The following NIPBL variants were observed in gnomAD, a reference collection of about 807,000 sequenced individuals.
NIPBL encodes NIPBL cohesin loading factor, also known as nipped-B-like protein.
NIPBL carries 19 observed loss-of-function variants against 321.8 expected under a neutral mutation model. The ratio of observed to expected loss-of-function variants is 0.06; its 90% confidence interval spans 0.04 to 0.09. The LOEUF (loss-of-function observed/expected upper bound fraction) is 0.09. Ranked by LOEUF, NIPBL falls within the 10% of genes least tolerant of loss-of-function variation. The probability of loss-of-function intolerance (pLI) is 1.00; values close to 1 mark genes in which losing one functional copy is unlikely to be tolerated. For synonymous variants in NIPBL, 1,106 were observed against 1,114.1 expected (o/e 0.99, Z 0.14); for missense variants, 2,210 against 3,327.0 (o/e 0.66, Z 8.26).
At chr5:36,896,616 T>C (rs1220136316) in intron 1 of NIPBL, among the ~76,000 whole-genome samples, 1 of 152,194 alleles carries the variant, frequency 6.6e-6, no homozygotes, top group African/African-American at 2.4e-5. Flanking sequence ...TTTGTTTGTT[T>C]TGAGACAAAC....
chr5:36,883,842 A>G (rs1745683452), intron 1 of NIPBL, among the ~76,000 whole-genome samples: 1 of 151,796 alleles, frequency 6.6e-6, no homozygotes. Flanking sequence ...GTAATGACCA[A>G]GTTGAAGTTT....
At chr5:37,042,913 A>G (rs1752584902) in intron 34 of NIPBL, among the ~76,000 whole-genome samples, 1 of 151,646 alleles carries the variant, frequency 6.6e-6, no homozygotes, top group African/African-American at 2.4e-5. Context: ...ACACACACAC[A>G]CACACACACA....
At chr5:36,893,004 ATTTCTT>A (rs1000796360) in intron 1 of NIPBL, among the ~76,000 whole-genome samples, 15 of 152,190 alleles carry the variant, frequency 9.9e-5, no homozygotes, top group African/African-American at 2.7e-4. Context: ...AGATAATACT[ATTTCTT>A]TTTAATGCTT....
At chr5:36,969,330 T>C (rs1053971141) in intron 6 of NIPBL, among the ~76,000 whole-genome samples, 1 of 152,096 alleles carries the variant, frequency 6.6e-6, no homozygotes, top group South Asian at 2.1e-4. Flanking sequence ...TGTTCAAGAA[T>C]AGACAAAATA....
At chr5:36,885,968 T>C in intron 1 of NIPBL, 1 of 729,194 alleles carries the variant, frequency 1.4e-6, no homozygotes, top group South Asian at 1.4e-5. Flanking sequence ...ACAGGCCCAA[T>C]ACGACGAGCT....
intron 1 of NIPBL, among the ~76,000 whole-genome samples, chr5:36,936,803 T>G (rs932626628): frequency 1.3e-5 from 2 of 151,718 alleles, no homozygotes; most frequent in African/African-American, 4.8e-5. Flanking sequence ...AAAATGGTGA[T>G]AACGAGACTT....
intron 10 of NIPBL, among the ~76,000 whole-genome samples, chr5:36,994,235 T>C (rs892408748): frequency 2.0e-5 from 3 of 152,166 alleles, no homozygotes; most frequent in Non-Finnish European, 2.9e-5. Flanking sequence ...GTTAGAATTC[T>C]TAGCAATGAA....
At chr5:36,895,561 G>C (rs998733210) in intron 1 of NIPBL, among the ~76,000 whole-genome samples, 1 of 152,154 alleles carries the variant, frequency 6.6e-6, no homozygotes, top group African/African-American at 2.4e-5. Flanking sequence ...AGAGGTGCAT[G>C]ATTTTACATT....
In NIPBL at chr5:37,028,068, T is replaced by A. The variant is rs1336416155; in HGVS notation, c.5862+656T>A. ...CAATATATTGCATTAAAAATATAAT[T>A]ACATGATTTAGTATGTTATGCATAG... is the stretch of plus-strand genomic sequence containing the variant. On this transcript the variant is annotated intron_variant, in intron 32 of 46. Coordinates refer to ENST00000282516, the MANE Select transcript of NIPBL (RefSeq NM_133433.4). Among the ~76,000 whole-genome samples the A allele has an allele frequency of 2.6e-5, 4 of 152,142 alleles. No homozygotes were observed. The East Asian group carries it at 7.7e-4, about 29-fold the overall frequency.
chr5:36,911,950 C>T (rs865798573), intron 1 of NIPBL, among the ~76,000 whole-genome samples: 4 of 152,090 alleles, frequency 2.6e-5, no homozygotes, highest in African/African-American at 9.7e-5. Flanking sequence ...GACCTTTTTC[C>T]GTACTTGAAG....
Position 37,008,637 on chromosome 5 carries a change from T to C in NIPBL, c.4335T>C (p.Tyr1445=), listed in dbSNP as rs767317539. The change falls in exon 20 of 47, where the codon TAT becomes TAC. Residue 1445 remains tyrosine (Y), a synonymous_variant. Transcript: ENST00000282516. ...TTACTAAACAGGTATTCTCAAGATA[T>C]GAAAAACATAGGCAGTTAATTTTGG... The part of the protein sequence containing the change: ...IKLVTAVFSR[Y]EKHRQLILEE... 11 of 1,541,704 alleles carry C rather than the reference T, an allele frequency of 7.1e-6. No individual in the cohort carries two copies. In the Admixed American group the frequency reaches 1.3e-4, roughly 19 times the overall value.
intron 1 of NIPBL, among the ~76,000 whole-genome samples, chr5:36,919,414 G>T (rs1215693269): frequency 6.6e-6 from 1 of 151,500 alleles, no homozygotes; most frequent in African/African-American, 2.4e-5. Flanking sequence ...GCCCAGGCTG[G>T]CCTTGAACAC....
chr5:36,909,174 T>C (rs1252921804), intron 1 of NIPBL, among the ~76,000 whole-genome samples: 2 of 152,182 alleles, frequency 1.3e-5, no homozygotes, highest in Non-Finnish European at 2.9e-5. Context: ...CCCTCAGGAA[T>C]TGAGTACTAG....
rs573173229 is a variant in NIPBL, at chr5:36,885,580, G to C, written c.-80+8402G>C. On this transcript the variant is annotated intron_variant, in intron 1 of 46. Transcript: ENST00000282516. The stretch of plus-strand genomic sequence containing the variant: ...AGAAGGGACCCCAGGTCAGAGACTG[G>C]GGCCATTACTTCAAGACCATCGAGG... 1.1e-4 allele frequency: 59 copies of C among 532,510 alleles called. No individual in the cohort carries two copies. The East Asian group carries it at 2.7e-3, about 25-fold the overall frequency. The allele number at this position is 532,510 out of a possible 1,614,324, so 33.0% of individuals were successfully genotyped here. A position where few individuals can be genotyped will look rare whatever the true frequency, so the allele number is the denominator to read the frequency against.
intron 23 of NIPBL, among the ~76,000 whole-genome samples, chr5:37,016,817 A>G (rs1186009709): frequency 6.6e-6 from 1 of 152,086 alleles, no homozygotes; most frequent in Admixed American, 6.6e-5. Flanking sequence ...AGGAAGTTTA[A>G]TCTGTAATTT....
intron 15 of NIPBL, 144 bp downstream of exon 15, chr5:37,002,909 T>C: frequency 1.4e-5 from 8 of 592,026 alleles, no homozygotes; most frequent in Non-Finnish European, 2.3e-5. Context: ...TCTAAATGAG[T>C]TTTTTTGTTT....
At chr5:36,918,198 G>A (rs541447105) in intron 1 of NIPBL, among the ~76,000 whole-genome samples, 17 of 151,856 alleles carry the variant, frequency 1.1e-4, no homozygotes, top group African/African-American at 3.6e-4. Context: ...CTTTTATTTC[G>A]TTGAGCAGTG....
chr5:36,939,143 C>T (rs1243146118), intron 1 of NIPBL, among the ~76,000 whole-genome samples: 1 of 152,180 alleles, frequency 6.6e-6, no homozygotes, highest in African/African-American at 2.4e-5. Context: ...GCTGGGACTA[C>T]AGGTGCATAC....
chr5:36,956,291 A>G (rs1740935222), intron 3 of NIPBL, among the ~76,000 whole-genome samples: 1 of 152,082 alleles, frequency 6.6e-6, no homozygotes, highest in South Asian at 2.1e-4. Flanking sequence ...CAACACAAAA[A>G]TGTGTAAAAA....
Sources: gnomAD v4.1 joint callset for allele counts (sites outside exome capture counted in the v4.1 genomes callset) on GRCh38, gnomAD v4.1.1 for gene constraint, MANE v1.5 for transcripts, NCBI Gene and HGNC (gene_info 2026-07-23, HGNC 2026-07-21) for gene names.